The following DNAH12 variants were observed in gnomAD, a reference collection of about 807,000 sequenced individuals.
DNAH12 encodes dynein axonemal heavy chain 12, also known as axonemal beta dynein heavy chain 12.
A neutral mutation model predicts 371.5 loss-of-function variants in DNAH12; 285 were observed. That is an observed-to-expected ratio of 0.77 (90% CI 0.70 to 0.85). DNAH12 has a LOEUF of 0.85. Among genes scored for constraint, DNAH12 ranks in the 40% least tolerant of loss-of-function variants. DNAH12 has a pLI of 0.00. For synonymous variants in DNAH12, 1,200 were observed against 1,213.0 expected (o/e 0.99, Z 0.22); for missense variants, 3,611 against 3,689.4 (o/e 0.98, Z 0.55).
In DNAH12 at chr3:57,309,027, G is replaced by A. The variant is rs1001407329; in HGVS notation, c.11189+124C>T. On this transcript the variant is annotated intron_variant, in intron 69 of 73. Transcript: ENST00000495027. ...GCTTGAAGCAGCCCTGAGAAACATC[G>A]CCCATTCTCTCTTCATACCACCCTC... The A allele has an allele frequency of 4.1e-5, 25 of 607,016 alleles. No homozygotes were observed. In the Middle Eastern group the frequency reaches 1.8e-3, roughly 44 times the overall value. The allele number at this position is 607,016 out of a possible 1,614,324, so 37.6% of individuals were successfully genotyped here.
intron 58 of DNAH12, among the ~76,000 whole-genome samples, chr3:57,362,967 G>C (rs896250691): frequency 1.3e-5 from 2 of 151,948 alleles, no homozygotes; most frequent in Non-Finnish European, 2.9e-5. Flanking sequence ...GAATGGTATT[G>C]CCAAGGTTTT....
rs375630641 is a variant in DNAH12 at position 57,427,668 on chromosome 3, TGACAGAGCAA to T, written c.5253+955_5253+964del. Among the ~76,000 whole-genome samples the T allele has an allele frequency of 4.4e-3, 662 of 151,586 alleles. 4 individuals are homozygous for T. Among genetic ancestry groups the T allele is most frequent in the African/African-American group, 0.015 (627 of 41,336 alleles). ...TCGCTCCACTGCGCTCCAGCCTGGG[TGACAGAGCAA>T]GACAGAGCAAGACTCCATCTCAAAA... On this transcript the variant is annotated intron_variant, in intron 34 of 73. Coordinates refer to ENST00000495027, the MANE Select transcript of DNAH12 (RefSeq NM_001366028.2).
intron 69 of DNAH12, among the ~76,000 whole-genome samples, chr3:57,303,108 C>A (rs1035414215): frequency 2.0e-5 from 3 of 151,422 alleles, no homozygotes; most frequent in Non-Finnish European, 4.4e-5. Flanking sequence ...GAGAGGCCGA[C>A]GCGGGTGCAT....
chr3:57,547,209 TATATAGATATAG>T (rs10569241), upstream of DNAH12, among the ~76,000 whole-genome samples: 2,163 of 149,886 alleles, frequency 0.014, 53 homozygotes, highest in African/African-American at 0.049. Context: ...CACACACACA[TATATAGATATAG>T]ATATAGATAT....
chr3:57,350,282 T>C (rs1264493668), intron 60 of DNAH12, among the ~76,000 whole-genome samples: 1 of 152,006 alleles, frequency 6.6e-6, no homozygotes, highest in African/African-American at 2.4e-5. Flanking sequence ...AAAAACCAGT[T>C]GAGATAAATA....
At chr3:57,338,791 G>A (rs915732611) in intron 60 of DNAH12, among the ~76,000 whole-genome samples, 6 of 152,132 alleles carry the variant, frequency 3.9e-5, no homozygotes, top group Non-Finnish European at 7.4e-5. Flanking sequence ...CCCCGTCTGG[G>A]AAGTGAGGAG....
Position 57,304,896 on chromosome 3 carries a change from C to G in DNAH12, c.11190-2957G>C, listed in dbSNP as rs536461474. ...CACCCCTTCTCTTCGTGTCTCTACTCTCTTTTCTCTGGGCTTGCCTCCTTC... is the reference window on the plus strand; with the variant it reads ...CACCCCTTCTCTTCGTGTCTCTACTGTCTTTTCTCTGGGCTTGCCTCCTTC... On this transcript the variant is annotated intron_variant, in intron 69 of 73. Transcript: ENST00000495027. 3.9e-5 allele frequency among the ~76,000 whole-genome samples: 6 copies of G among 152,224 alleles called. No individual in the cohort carries two copies. In the South Asian group the frequency reaches 1.2e-3, roughly 32 times the overall value.
At chr3:57,302,480 T>C (rs1317334193) in intron 69 of DNAH12, among the ~76,000 whole-genome samples, 2 of 140,152 alleles carry the variant, frequency 1.4e-5, no homozygotes, top group African/African-American at 2.7e-5. Context: ...TATATATACA[T>C]AAATATAACT....
intron 25 of DNAH12, among the ~76,000 whole-genome samples, chr3:57,451,079 C>T (rs1382794916): frequency 6.6e-6 from 1 of 152,190 alleles, no homozygotes; most frequent in African/African-American, 2.4e-5. Context: ...CTGTTGAAAC[C>T]ACATCTTTGC....
chr3:57,429,388 C>A (rs1272178377), intron 33 of DNAH12, among the ~76,000 whole-genome samples: 1 of 152,134 alleles, frequency 6.6e-6, no homozygotes, highest in Non-Finnish European at 1.5e-5. Context: ...GTTGGTCAGG[C>A]TGGTCTTGAA....
intron 8 of DNAH12, among the ~76,000 whole-genome samples, chr3:57,505,114 C>T (rs962408575): frequency 6.6e-6 from 1 of 152,078 alleles, no homozygotes; most frequent in African/African-American, 2.4e-5. Flanking sequence ...GTCTCAAACT[C>T]CTGAGCTCAA....
intron 29 of DNAH12, among the ~76,000 whole-genome samples, chr3:57,438,918 C>CGGAAAAAAAAAAAAAAA (rs562343761): frequency 6.3e-5 from 6 of 94,536 alleles, no homozygotes; most frequent in Non-Finnish European, 1.2e-4. Context: ...CTGTCTCAGA[C>CGGAAAAAAAAAAAAAAA]AAAAAAAAAA....
At chr3:57,427,113 ATATT>A (rs55831972) in intron 34 of DNAH12, among the ~76,000 whole-genome samples, 79,376 of 148,784 alleles carry the variant, frequency 0.53, 21,926 homozygotes, top group African/African-American at 0.69. Context: ...GTATATCAAT[ATATT>A]TATTTATATG....
chr3:57,551,272 T>G, the DNAH12 span, among the ~76,000 whole-genome samples: 1 of 151,198 alleles, frequency 6.6e-6, no homozygotes, highest in Non-Finnish European at 1.5e-5. Flanking sequence ...TATTTATTTA[T>G]TTATTTATTT....
intron 42 of DNAH12, among the ~76,000 whole-genome samples, 188 bp downstream of exon 42, chr3:57,404,781 G>A (rs1401239677): frequency 3.3e-5 from 5 of 152,106 alleles, no homozygotes; most frequent in Non-Finnish European, 7.4e-5. Context: ...TATGACACAG[G>A]ATGCAGTGAG....
chr3:57,385,703 G>A (rs1172807036), intron 47 of DNAH12, among the ~76,000 whole-genome samples: 2 of 152,154 alleles, frequency 1.3e-5, no homozygotes, highest in Non-Finnish European at 2.9e-5. Context: ...GGAACATGGT[G>A]AAATCCCATC....
chr3:57,360,014 C>A (rs1397468104), intron 58 of DNAH12, among the ~76,000 whole-genome samples: 3 of 152,176 alleles, frequency 2.0e-5, no homozygotes, highest in Non-Finnish European at 4.4e-5. Flanking sequence ...ATATTTTTCT[C>A]ACTGTAAGAT....
At chr3:57,408,582 T>C (rs4681729) in intron 39 of DNAH12, 47 bp from the exon 40 acceptor site, 1 of 1,437,006 alleles carries the variant, frequency 7.0e-7, no homozygotes, top group South Asian at 1.6e-5. Context: ...TATAAAGACA[T>C]TAAGATGGGA....
At chr3:57,322,022 T>C (rs1312452273) in intron 65 of DNAH12, among the ~76,000 whole-genome samples, 2 of 152,194 alleles carry the variant, frequency 1.3e-5, no homozygotes, top group African/African-American at 2.4e-5. Flanking sequence ...CACATACTTG[T>C]TGAAAAAGAA....
Sources: gnomAD v4.1 joint callset for allele counts (sites outside exome capture counted in the v4.1 genomes callset) on GRCh38, gnomAD v4.1.1 for gene constraint, MANE v1.5 for transcripts, NCBI Gene and HGNC (gene_info 2026-07-23, HGNC 2026-07-21) for gene names.